The following GABRR1 variants were observed in gnomAD, a reference collection of about 807,000 sequenced individuals.
The protein encoded by GABRR1 is gamma-aminobutyric acid receptor subunit rho-1.
A neutral mutation model predicts 55.5 loss-of-function variants in GABRR1; 59 were observed. The observed-to-expected ratio is 1.06, with a 90% confidence interval of 0.86 to 1.32. The LOEUF (loss-of-function observed/expected upper bound fraction) is 1.32. GABRR1 is among the 40% of genes most tolerant of loss of function. GABRR1 has a pLI of 0.00. For missense variants in GABRR1, 602 were observed against 619.1 expected (o/e 0.97, Z 0.29); for synonymous variants, 213 against 226.0 (o/e 0.94, Z 0.51).
chr6:89,189,122 C>G (rs553118329), intron 6 of GABRR1, among the ~76,000 whole-genome samples: 5 of 152,138 alleles, frequency 3.3e-5, no homozygotes, highest in Admixed American at 2.0e-4. Flanking sequence ...CTCTACTTCC[C>G]TTCCCCAAGC....
At chr6:89,213,503 C>T (rs774354887) in intron 1 of GABRR1, among the ~76,000 whole-genome samples, 3 of 152,136 alleles carry the variant, frequency 2.0e-5, no homozygotes, top group Non-Finnish European at 1.5e-5. Context: ...AGGAGTCTAA[C>T]CTGATTAATT....
At chr6:89,222,945 A>G (rs972476951) in intron 1 of GABRR1, among the ~76,000 whole-genome samples, 3 of 152,196 alleles carry the variant, frequency 2.0e-5, no homozygotes, top group African/African-American at 7.2e-5. Context: ...TGACGTTTTG[A>G]TAGCAGAGGC....
chr6:89,206,782 A>AT (rs1218751547), intron 1 of GABRR1, among the ~76,000 whole-genome samples: 1 of 68,404 alleles, frequency 1.5e-5, no homozygotes, highest in Non-Finnish European at 2.9e-5. Context: ...TGCCCAGCTA[A>AT]TTTAAAAAAA....
At chr6:89,229,208 CTT>C (rs1431024608) in intron 1 of GABRR1, among the ~76,000 whole-genome samples, 2 of 151,710 alleles carry the variant, frequency 1.3e-5, no homozygotes, top group East Asian at 1.9e-4. Flanking sequence ...GGTCTTGACT[CTT>C]TATCCAATTT....
At chr6:89,202,448 C>T (rs373714216) in intron 2 of GABRR1, among the ~76,000 whole-genome samples, 2 of 152,040 alleles carry the variant, frequency 1.3e-5, no homozygotes, top group East Asian at 1.9e-4. Context: ...CCTGCCACCA[C>T]GCCTGGCTAA....
intron 1 of GABRR1, among the ~76,000 whole-genome samples, chr6:89,212,668 A>G (rs936987568): frequency 8.6e-5 from 13 of 151,082 alleles, no homozygotes; most frequent in African/African-American, 2.9e-4. Context: ...TTATTTATTT[A>G]TTTATTTATT....
upstream of GABRR1, among the ~76,000 whole-genome samples, chr6:89,218,806 T>C (rs541031128): frequency 1.3e-5 from 2 of 152,368 alleles, no homozygotes; most frequent in East Asian, 3.9e-4. Context: ...GTCCAGTTTA[T>C]AGTGTCCAGT....
chr6:89,192,091 C>A (rs1333526910), intron 5 of GABRR1, among the ~76,000 whole-genome samples: 6 of 152,026 alleles, frequency 3.9e-5, no homozygotes, highest in Non-Finnish European at 8.8e-5. Context: ...CAGTTTCTGC[C>A]TATCTCCGAT....
intron 8 of GABRR1, among the ~76,000 whole-genome samples, chr6:89,181,193 AG>A (rs1403422015): frequency 6.6e-6 from 1 of 152,242 alleles, no homozygotes; most frequent in African/African-American, 2.4e-5. Flanking sequence ...AATTAAGCTC[AG>A]AACATTTGTT....
At chr6:89,198,375 T>G in intron 4 of GABRR1, 132 bp from the exon 5 acceptor site, 1 of 446,862 alleles carries the variant, frequency 2.2e-6, no homozygotes, top group Admixed American at 2.8e-5. Flanking sequence ...GCTTCTAGTC[T>G]CCAGAGTTTG....
In GABRR1 at chr6:89,198,013, T is replaced by C. The variant is rs760176036; in HGVS notation, c.572+7A>G. 6.2e-7 allele frequency: 1 copy of C among 1,611,176 alleles called. No individual in the cohort carries two copies. The highest frequency in any genetic ancestry group is 8.5e-7 in the Non-Finnish European group (1 of 1,177,326). On this transcript the variant is annotated splice_region_variant and intron_variant, in intron 5 of 9. Transcript: ENST00000454853. ...GGTTAATATGAATGATCTGCCTTTC[T>C]TCCTACCTGAGACTATAGAGCACTT... is the stretch of plus-strand genomic sequence containing the variant.
At chr6:89,211,391 C>T (rs970643457) in intron 1 of GABRR1, among the ~76,000 whole-genome samples, 2 of 152,148 alleles carry the variant, frequency 1.3e-5, no homozygotes, top group Non-Finnish European at 2.9e-5. Flanking sequence ...CTTCCTCTCT[C>T]GCCTTCATCC....
At position 89,185,307 on chromosome 6, in the gene GABRR1, T is replaced by TA. The variant is rs1195029576; in HGVS notation, c.796+2dup. ...TGACTCTCAGCCCTCACTCTACACT[T>TA]ACCTGTGCTGCTGTAGAAAGCCAGT... On this transcript the variant is annotated splice_region_variant and intron_variant, in intron 7 of 9. Transcript: ENST00000454853. The TA allele has an allele frequency of 6.2e-7, 1 of 1,613,978 alleles. No homozygotes were observed. The highest frequency in any genetic ancestry group is 1.1e-5 in the South Asian group (1 of 91,074).
chr6:89,179,500 G>A (rs1028537602), intron 9 of GABRR1, among the ~76,000 whole-genome samples: 3 of 152,154 alleles, frequency 2.0e-5, no homozygotes, highest in African/African-American at 7.2e-5. Flanking sequence ...GATTACAGGC[G>A]TGAGCCACTG....
chr6:89,230,606 G>T (rs1773268896), intron 1 of GABRR1, among the ~76,000 whole-genome samples: 1 of 152,162 alleles, frequency 6.6e-6, no homozygotes, highest in South Asian at 2.1e-4. Context: ...CGCTTGAGGA[G>T]GCAGTCTGCC....
At chr6:89,182,536 C>T (rs1231717668) in intron 7 of GABRR1, among the ~76,000 whole-genome samples, 1 of 152,154 alleles carries the variant, frequency 6.6e-6, no homozygotes, top group Non-Finnish European at 1.5e-5. Flanking sequence ...GTGATCCACC[C>T]ACTTCAGCCT....
Position 89,178,798 on chromosome 6 carries a change from T to C in GABRR1, c.1412A>G (p.Asn471Ser), listed in dbSNP as rs780884330. 7.4e-6 allele frequency: 12 copies of C among 1,613,896 alleles called. No individual in the cohort carries two copies. The highest frequency in any genetic ancestry group is 2.2e-5 in the East Asian group (1 of 44,898). The change falls in exon 10 of 10, where the codon AAT (asparagine) becomes AGT (serine). Residue 471 changes from asparagine (N) to serine (S), a missense_variant. Asn to Ser is a conservative substitution (Grantham distance 46). Transcript: ENST00000454853. ...GGAGAAAATAGACCAGTATATTAAA[T>C]TGAATAAAATGTATGCTGCTGGAAA... ...IIFPAAYILF[N>S]LIYWSIFS is the part of the protein sequence containing the mutation.
intron 1 of GABRR1, among the ~76,000 whole-genome samples, 176 bp from the exon 2 acceptor site, chr6:89,203,661 A>T (rs551876542): frequency 4.9e-4 from 74 of 152,358 alleles, no homozygotes; most frequent in African/African-American, 1.8e-3. Flanking sequence ...GCATTTTCCA[A>T]GTACCTACAG....
At chr6:89,192,978 A>G (rs959515608) in intron 5 of GABRR1, among the ~76,000 whole-genome samples, 1 of 152,190 alleles carries the variant, frequency 6.6e-6, no homozygotes, top group Non-Finnish European at 1.5e-5. Context: ...TGTGGATTTC[A>G]GTTTTTATTG....
Sources: allele counts gnomAD v4.1 joint callset (sites outside exome capture counted in the v4.1 genomes callset), GRCh38; gene constraint gnomAD v4.1.1; transcripts MANE v1.5; gene names NCBI Gene and HGNC (gene_info 2026-07-23, HGNC 2026-07-21).